Variants in GALNT3 observed in about 807,000 individuals in gnomAD.
GALNT3 encodes the protein polypeptide N-acetylgalactosaminyltransferase 3, also known as GalNAc transferase 3.
In GALNT3, 51 loss-of-function variants were observed where a neutral mutation model predicts 69.8. The ratio of observed to expected loss-of-function variants is 0.73; its 90% CI spans 0.58 to 0.92. The LOEUF is 0.92. Ranked by LOEUF, GALNT3 falls within the 40% of genes least tolerant of loss-of-function variation. The pLI, the probability that GALNT3 is intolerant of heterozygous loss-of-function variation, is 0.00. For missense variants in GALNT3, 711 were observed against 760.0 expected, an observed-to-expected ratio of 0.94 and a Z score of 0.76; for synonymous variants, 265 against 248.5, an observed-to-expected ratio of 1.07 and a Z score of -0.63.
At chr2:165,752,031 T>C (rs1432391030) in intron 9 of GALNT3, among the ~76,000 whole-genome samples, 4 of 152,180 alleles carry the variant, frequency 2.6e-5, no homozygotes, top group Non-Finnish European at 5.9e-5. Flanking sequence ...TCAAAACTCT[T>C]CAATTGTTTC....
chr2:165,760,673 G>C (rs1249108341), intron 4 of GALNT3, among the ~76,000 whole-genome samples: 1 of 152,118 alleles, frequency 6.6e-6, no homozygotes, highest in Non-Finnish European at 1.5e-5. Context: ...AACTGAATGT[G>C]ATGGCTCTAA....
In GALNT3 at chr2:165,749,885, A is replaced by G. The variant is rs763048224; in HGVS notation, c.1636T>C (p.Tyr546His). 9.3e-6 allele frequency: 15 copies of G among 1,613,524 alleles called. No homozygotes were observed. In the South Asian group the frequency reaches 1.5e-4, roughly 17 times the overall value. The change falls in exon 10 of 11, where the codon TAC becomes CAC. Residue 546 changes from tyrosine (Y) to histidine (H), a missense_variant. Transcript: ENST00000392701. ...TGCCGAATTTCATGTTGAGCAGAGT[A>G]TTCAAAGTACTATGGAAGGAATAGC... ...HGLGGNQYFE[Y>H]SAQHEIRHNI...
At chr2:165,772,739 T>A (rs1205859712) in intron 1 of GALNT3, among the ~76,000 whole-genome samples, 5 of 152,068 alleles carry the variant, frequency 3.3e-5, no homozygotes, top group South Asian at 4.1e-4. Context: ...GAATGTCAGA[T>A]GCAAAACCAT....
At chr2:165,773,977 G>A (rs145804434) in intron 1 of GALNT3, among the ~76,000 whole-genome samples, 3 of 152,240 alleles carry the variant, frequency 2.0e-5, no homozygotes, top group Non-Finnish European at 4.4e-5. Context: ...AGAGAACCTT[G>A]GCAGAGAGAG....
intron 2 of GALNT3, among the ~76,000 whole-genome samples, chr2:165,765,587 T>G (rs573253304): frequency 2.0e-5 from 3 of 152,156 alleles, no homozygotes; most frequent in South Asian, 2.1e-4. Flanking sequence ...CCTCCCAGGT[T>G]CACGCATTTC....
intron 3 of GALNT3, among the ~76,000 whole-genome samples, chr2:165,762,913 G>A (rs1419206618): frequency 3.3e-5 from 5 of 151,940 alleles, no homozygotes; most frequent in Non-Finnish European, 5.9e-5. Context: ...AGCTTCCCAA[G>A]TAGCTGGGAC....
intron 2 of GALNT3, among the ~76,000 whole-genome samples, chr2:165,768,792 CTT>C (rs71028502): frequency 0.55 from 69,733 of 126,420 alleles, 18,316 homozygotes; most frequent in East Asian, 0.65. Context: ...ATCTTGTACT[CTT>C]TTTTTTTTTT....
chr2:165,780,262 T>C (rs994772476), intron 1 of GALNT3, among the ~76,000 whole-genome samples: 3 of 152,192 alleles, frequency 2.0e-5, no homozygotes, highest in East Asian at 1.9e-4. Context: ...TCCTCTGCAA[T>C]GGATGTGCTT....
chr2:165,752,595 A>G (rs1688374082), intron 9 of GALNT3, among the ~76,000 whole-genome samples: 1 of 152,198 alleles, frequency 6.6e-6, no homozygotes, highest in African/African-American at 2.4e-5. Flanking sequence ...ATACAGAGCT[A>G]TCATAAAGCT....
chr2:165,761,505 C>T (rs1366293770), intron 4 of GALNT3, among the ~76,000 whole-genome samples: 2 of 152,028 alleles, frequency 1.3e-5, no homozygotes, highest in African/African-American at 4.8e-5. Flanking sequence ...AGCCACCACG[C>T]CCGGCTACAT....
chr2:165,783,753 C>T (rs1683162762), intron 1 of GALNT3, among the ~76,000 whole-genome samples: 1 of 152,138 alleles, frequency 6.6e-6, no homozygotes, highest in African/African-American at 2.4e-5. Context: ...TTACTAACCC[C>T]TGCTCTAGAA....
At position 165,770,629 on chromosome 2, in the gene GALNT3, A is replaced by G. The variant is rs747983380; in HGVS notation, c.72T>C (p.Gly24=). Residue 24 remains glycine, a synonymous_variant, in exon 2 of 11, where the codon GGT becomes GGC. Coordinates refer to ENST00000392701, the MANE Select transcript of GALNT3 (RefSeq NM_004482.4). Reference sequence around the variant, plus strand: ...CTATTATAAAGAAAAAAATTACTGCACCAAGCTTCCAGAACTTTTTATGGT... The same window carrying G: ...CTATTATAAAGAAAAAAATTACTGCGCCAAGCTTCCAGAACTTTTTATGGT... ...RHYHKKFWKL[G]AVIFFFIIVL... is the part of the protein sequence containing the mutation. 2 of 1,602,100 alleles carry G rather than the reference A, an allele frequency of 1.2e-6. No individual in the cohort carries two copies. Among genetic ancestry groups the G allele is most frequent in the Admixed American group, 3.4e-5 (2 of 58,148 alleles).
intron 2 of GALNT3, 164 bp downstream of exon 2, chr2:165,770,022 C>G: frequency 1.2e-6 from 1 of 802,290 alleles, no homozygotes; most frequent in Non-Finnish European, 2.1e-6. Flanking sequence ...GATATGTAGC[C>G]TCAATCATTA....
chr2:165,764,842 T>A (rs1180885210), intron 3 of GALNT3, 42 bp downstream of exon 3: 1 of 1,600,904 alleles, frequency 6.2e-7, no homozygotes, highest in African/African-American at 1.3e-5. Flanking sequence ...GATACCACAA[T>A]ATGGATTTGG....
chr2:165,762,219 G>A (rs117615074), intron 3 of GALNT3, among the ~76,000 whole-genome samples, 165 bp from the exon 4 acceptor site: 1 of 152,026 alleles, frequency 6.6e-6, no homozygotes, highest in Non-Finnish European at 1.5e-5. Context: ...CTCCTTACTG[G>A]GGAAAAAGGC....
chr2:165,783,214 T>C (rs1041156148), intron 1 of GALNT3, among the ~76,000 whole-genome samples: 1 of 152,180 alleles, frequency 6.6e-6, no homozygotes, highest in Non-Finnish European at 1.5e-5. Context: ...AGGGAATCCC[T>C]TCACTAATGT....
In GALNT3 at chr2:165,749,289, C is replaced by T. The variant is rs773680948; in HGVS notation, c.1780-386G>A. 1.8e-4 allele frequency among the ~76,000 whole-genome samples: 28 copies of T among 152,016 alleles called. 1 individual carries two copies. The highest frequency in any genetic ancestry group is 1.8e-3 in the Admixed American group (27 of 15,250). On this transcript the variant is annotated intron_variant, in intron 10 of 10. Transcript: ENST00000392701. ...TGCTATGATACAGCTAAGCCTTAAA[C>T]ATGTTTAAAAACAGAAGAGACCTGT...
At chr2:165,782,107 G>A (rs946583423) in intron 1 of GALNT3, among the ~76,000 whole-genome samples, 10 of 152,268 alleles carry the variant, frequency 6.6e-5, no homozygotes, top group African/African-American at 2.4e-4. Flanking sequence ...AAGTGGGGAT[G>A]TGATAGATAT....
At position 165,794,225 on chromosome 2, in the gene GALNT3, A is replaced by T. The variant is rs1334994448; in HGVS notation, c.-319T>A. 1 of 152,472 alleles carries T rather than the reference A, an allele frequency of 6.6e-6. No homozygotes were observed. The highest frequency in any genetic ancestry group is 6.5e-5 in the Admixed American group (1 of 15,286). 9.4% of individuals were successfully genotyped at this position (152,472 alleles called of 1,614,324 possible). A position where few individuals can be genotyped will look rare whatever the true frequency, so the allele number is the denominator to read the frequency against. On this transcript the variant is annotated 5_prime_UTR_variant, in exon 1 of 11. Coordinates refer to ENST00000392701, the MANE Select transcript of GALNT3 (RefSeq NM_004482.4). ...GAGGCAGAACCGAGGCTCGGCTTCC[A>T]CTTGGAGTCTCCCAGGTGAGCTCCA...
Sources: gnomAD v4.1 joint callset for allele counts (sites outside exome capture counted in the v4.1 genomes callset) on GRCh38, gnomAD v4.1.1 for gene constraint, MANE v1.5 for transcripts, NCBI Gene and HGNC (gene_info 2026-07-23, HGNC 2026-07-21) for gene names.